The following MICAL3 variants were observed in gnomAD, a reference collection of about 807,000 sequenced individuals.
MICAL3 encodes [F-actin]-monooxygenase MICAL3.
MICAL3 carries 62 observed loss-of-function variants against 207.4 expected under a neutral mutation model. The ratio of observed to expected loss-of-function variants is 0.30; its 90% CI spans 0.24 to 0.37. The LOEUF is 0.37. MICAL3 is among the 10% of genes least tolerant of loss of function. The probability of loss-of-function intolerance (pLI) is 1.00; values close to 1 mark genes in which losing one functional copy is unlikely to be tolerated. For synonymous variants in MICAL3, 1,077 were observed against 1,069.3 expected, an observed-to-expected ratio of 1.01 and a Z score of -0.14; for missense variants, 2,368 against 2,635.6, an observed-to-expected ratio of 0.90 and a Z score of 2.22.
chr22:18,010,677 A>C, intron 1 of MICAL3, among the ~76,000 whole-genome samples: 1 of 152,114 alleles, frequency 6.6e-6, no homozygotes, highest in East Asian at 1.9e-4. Flanking sequence ...AGTTCCTTCC[A>C]CCTTGAGCCA....
chr22:17,836,647 G>GTTT (rs745531683), intron 20 of MICAL3, among the ~76,000 whole-genome samples: 1 of 141,868 alleles, frequency 7.0e-6, no homozygotes, highest in Non-Finnish European at 1.5e-5. Context: ...TTCCTGGGTG[G>GTTT]TTTTTTTTTT....
At chr22:17,983,999 G>C (rs1421253498) in intron 1 of MICAL3, among the ~76,000 whole-genome samples, 2 of 152,188 alleles carry the variant, frequency 1.3e-5, no homozygotes, top group East Asian at 3.8e-4. Context: ...TAGGTGAAGG[G>C]TAAATAGGAA....
chr22:17,936,847 A>C (rs1235325573), intron 1 of MICAL3, among the ~76,000 whole-genome samples: 1 of 152,242 alleles, frequency 6.6e-6, no homozygotes, highest in Non-Finnish European at 1.5e-5. Context: ...AGCTTTTCTG[A>C]GTAACTTAAA....
chr22:17,834,866 A>G (rs989061594), intron 20 of MICAL3, among the ~76,000 whole-genome samples: 3 of 152,260 alleles, frequency 2.0e-5, no homozygotes, highest in Non-Finnish European at 4.4e-5. Context: ...CTGTTTGAAC[A>G]TAAAATAAGG....
At chr22:17,843,576 C>T (rs1358327000) in intron 19 of MICAL3, among the ~76,000 whole-genome samples, 1 of 152,202 alleles carries the variant, frequency 6.6e-6, no homozygotes, top group African/African-American at 2.4e-5. Flanking sequence ...GTCATGGACA[C>T]CGAGTGACAC....
intron 1 of MICAL3, chr22:17,980,791 T>C: frequency 2.1e-6 from 1 of 477,198 alleles, no homozygotes; most frequent in Non-Finnish European, 4.4e-6. Context: ...GCAAACCAGC[T>C]GCCCGTCTGC....
At position 17,902,788 on chromosome 22, in the gene MICAL3, G is replaced by A; in HGVS notation, c.473-41C>T. 1 of 1,273,106 alleles carries A rather than the reference G, an allele frequency of 7.9e-7. No homozygotes were observed. The allele number at this position is 1,273,106 out of a possible 1,614,324, so 78.9% of individuals were successfully genotyped here. A position where few individuals can be genotyped will look rare whatever the true frequency, so the allele number is the denominator to read the frequency against. ...GATGACGTTGATGGGAACACATGGA[G>A]AAGGGGGTACCCATCCGTGTCGCAG... On this transcript the variant is annotated intron_variant, in intron 3 of 31. Transcript: ENST00000441493. This position sits in a 1 kb window ranked among gnomAD's most constrained non-coding sequence, Gnocchi z 4.5.
intron 16 of MICAL3, among the ~76,000 whole-genome samples, chr22:17,877,360 T>TTAG (rs1928813666): frequency 1.1e-4 from 1 of 9,290 alleles, no homozygotes; most frequent in Non-Finnish European, 1.8e-4. Context: ...AGGGAGGTTA[T>TTAG]GGAGGTTAGG....
intron 29 of MICAL3, among the ~76,000 whole-genome samples, 166 bp downstream of exon 29, chr22:17,808,678 T>C (rs1435372281): frequency 6.6e-6 from 1 of 152,166 alleles, no homozygotes; most frequent in Non-Finnish European, 1.5e-5. Context: ...CAGACAGGTA[T>C]TTTCTTTTGC....
chr22:17,858,699 A>G (rs2146121168), intron 19 of MICAL3, among the ~76,000 whole-genome samples: 1 of 152,332 alleles, frequency 6.6e-6, no homozygotes, highest in South Asian at 2.1e-4. Context: ...ATGAGAAAAA[A>G]GAACAGATTT....
chr22:17,907,865 G>A (rs1931856852), intron 1 of MICAL3, among the ~76,000 whole-genome samples: 1 of 152,202 alleles, frequency 6.6e-6, no homozygotes, highest in Non-Finnish European at 1.5e-5. Context: ...ACAGGGTTGG[G>A]AGACTTCACA....
intron 17 of MICAL3, among the ~76,000 whole-genome samples, chr22:17,868,319 T>TA (rs386394929): frequency 0.036 from 5,100 of 142,796 alleles, 111 homozygotes; most frequent in African/African-American, 0.064. Context: ...CTTTTTAAAT[T>TA]AAAAAAAAAA....
At chr22:17,843,201 A>C in intron 19 of MICAL3, among the ~76,000 whole-genome samples, 1 of 151,186 alleles carries the variant, frequency 6.6e-6, no homozygotes, top group East Asian at 1.9e-4. Context: ...TCCCATTTTT[A>C]ACTTTATACT....
rs549371726 is a variant in MICAL3 at position 17,965,416 on chromosome 22, CAG to C, written c.-74-58532_-74-58531del. On this transcript the variant is annotated intron_variant, in intron 1 of 31. Transcript: ENST00000441493. ...TTAGAGACCATTTCTTACCACACAT[CAG>C]AGAGTCTTCATGCTTTGGTCTCCTA... 1.6e-3 allele frequency among the ~76,000 whole-genome samples: 237 copies of C among 152,316 alleles called. 1 individual carries two copies. The highest frequency in any genetic ancestry group is 3.7e-3 in the South Asian group (18 of 4,822).
intron 1 of MICAL3, among the ~76,000 whole-genome samples, chr22:18,013,566 C>A (rs990855725): frequency 3.3e-5 from 5 of 152,178 alleles, no homozygotes; most frequent in African/African-American, 1.2e-4. Context: ...CCACTTCCCA[C>A]ATAAAAATGC....
At chr22:17,994,547 T>C (rs908913537) in intron 1 of MICAL3, among the ~76,000 whole-genome samples, 6 of 152,094 alleles carry the variant, frequency 3.9e-5, no homozygotes, top group Non-Finnish European at 5.9e-5. Context: ...AGCTTGTCTC[T>C]CCACAAAATT....
intron 1 of MICAL3, among the ~76,000 whole-genome samples, chr22:17,955,541 CAG>C (rs906109079): frequency 5.3e-5 from 8 of 152,358 alleles, no homozygotes; most frequent in African/African-American, 1.9e-4. Flanking sequence ...AGACTGCATC[CAG>C]AGAGAGCCCT....
chr22:17,860,805 C>A (rs1327596848), intron 19 of MICAL3: 1 of 985,360 alleles, frequency 1.0e-6, no homozygotes, highest in Non-Finnish European at 1.2e-6. Flanking sequence ...GGCGTGCTGC[C>A]CGTACGCTGC....
rs947452715 is a variant in MICAL3, at chr22:18,004,019, C to T, written c.-75+20262G>A. Among the ~76,000 whole-genome samples, 3 of 152,166 alleles carry T rather than the reference C, an allele frequency of 2.0e-5. 1 individual carries two copies. The highest frequency in any genetic ancestry group is 6.3e-3 in the Middle Eastern group (2 of 316). ...TCCTGACCCTGTGATGTGCCTGCCT[C>T]GGCCTCCCAGAGTGCTGGGATTACA... On this transcript the variant is annotated intron_variant, in intron 1 of 31. Transcript: ENST00000441493.
Sources: gnomAD v4.1 joint callset for allele counts (sites outside exome capture counted in the v4.1 genomes callset) on GRCh38, gnomAD v4.1.1 for gene constraint, Gnocchi (gnomAD v3.1) non-coding constraint, MANE v1.5 for transcripts, NCBI Gene and HGNC (gene_info 2026-07-23, HGNC 2026-07-21) for gene names.